Variants in DLG5 observed in about 807,000 individuals in gnomAD.
DLG5 encodes the protein disks large homolog 5.
A neutral mutation model predicts 189.8 loss-of-function variants in DLG5; 48 were observed. The observed-to-expected ratio is 0.25, with a 90% confidence interval of 0.20 to 0.32. DLG5 has a LOEUF of 0.32. Among genes scored for constraint, DLG5 ranks in the 10% least tolerant of loss-of-function variants. The probability of loss-of-function intolerance (pLI) is 1.00; values close to 1 mark genes in which losing one functional copy is unlikely to be tolerated. For missense variants in DLG5, 2,160 were observed against 2,544.7 expected, an observed-to-expected ratio of 0.85 and a Z score of 3.25; for synonymous variants, 1,016 against 1,054.1, an observed-to-expected ratio of 0.96 and a Z score of 0.70.
chr10:77,938,520 T>A, the DLG5 span, among the ~76,000 whole-genome samples: 3 of 152,214 alleles, frequency 2.0e-5, no homozygotes, highest in African/African-American at 7.2e-5. Flanking sequence ...GTATTTGTAA[T>A]TGTCCTCAGG....
intron 2 of DLG5, among the ~76,000 whole-genome samples, chr10:77,864,406 C>T (rs190292178): frequency 4.9e-4 from 75 of 152,264 alleles, no homozygotes; most frequent in African/African-American, 1.8e-3. Context: ...TCCTCACCTA[C>T]AACTCAGGAC....
intron 7 of DLG5, among the ~76,000 whole-genome samples, chr10:77,840,668 G>A (rs1234785823): frequency 5.3e-5 from 8 of 151,818 alleles, no homozygotes; most frequent in East Asian, 2.0e-4. Context: ...GCAGTGAGCC[G>A]AGATTGCGCC....
intron 7 of DLG5, among the ~76,000 whole-genome samples, chr10:77,837,021 C>G (rs1270750949): frequency 6.6e-6 from 1 of 151,806 alleles, no homozygotes; most frequent in African/African-American, 2.4e-5. Context: ...TTGAGACCAG[C>G]CTGACCAACA....
chr10:77,810,469 C>T (rs1174862284), intron 23 of DLG5, among the ~76,000 whole-genome samples: 1 of 152,206 alleles, frequency 6.6e-6, no homozygotes, highest in Non-Finnish European at 1.5e-5. Flanking sequence ...TCATGTCACA[C>T]CATGGCCTGG....
intron 2 of DLG5, chr10:77,867,192 C>T (rs932310796): frequency 4.9e-6 from 2 of 412,294 alleles, no homozygotes; most frequent in African/African-American, 4.1e-5. Context: ...GAAATATCTT[C>T]CTACTCAGGC....
chr10:77,878,182 C>T (rs1311773931), intron 1 of DLG5, among the ~76,000 whole-genome samples: 1 of 152,236 alleles, frequency 6.6e-6, no homozygotes, highest in Non-Finnish European at 1.5e-5. Flanking sequence ...GTACACTGCC[C>T]TCCACCCTCC....
intron 2 of DLG5, among the ~76,000 whole-genome samples, chr10:77,857,872 G>C (rs970475829): frequency 6.6e-6 from 1 of 152,142 alleles, no homozygotes; most frequent in African/African-American, 2.4e-5. Context: ...TCGTGTCAGG[G>C]GACACAGTGT....
At chr10:77,938,533 C>A in the DLG5 span, among the ~76,000 whole-genome samples, 1 of 152,182 alleles carries the variant, frequency 6.6e-6, no homozygotes, top group African/African-American at 2.4e-5. Context: ...TCCTCAGGAA[C>A]TCTCCATAAG....
At chr10:77,832,604 G>C (rs1044894529) in intron 9 of DLG5, among the ~76,000 whole-genome samples, 1 of 152,196 alleles carries the variant, frequency 6.6e-6, no homozygotes, top group African/African-American at 2.4e-5. Flanking sequence ...GAGTGCCTGA[G>C]GCTTCCCAGG....
chr10:77,872,557 G>GT (rs1844942484), intron 1 of DLG5, among the ~76,000 whole-genome samples: 1 of 152,120 alleles, frequency 6.6e-6, no homozygotes, highest in Non-Finnish European at 1.5e-5. Flanking sequence ...ACAGGACCCA[G>GT]TTTTTACAAT....
At position 77,926,333 on chromosome 10, in the gene DLG5, T is replaced by C; in HGVS notation, c.188A>G (p.Lys63Arg). The change falls in exon 1 of 32, where the codon AAG (lysine) becomes AGG (arginine). Residue 63 changes from lysine (K) to arginine (R), a missense_variant. Coordinates refer to ENST00000372391, the MANE Select transcript of DLG5 (RefSeq NM_004747.4). This position sits in a 1 kb window ranked among gnomAD's most constrained non-coding sequence, Gnocchi z 5.2. ...AELLLKLLLA[K>R]ERDHFQDLRA... Reference sequence around the variant, plus strand: ...CAGGTCCTGGAAGTGGTCCCGCTCCTTGGCCAAGAGCAGCTTGAGCAGCAG... The same window carrying C: ...CAGGTCCTGGAAGTGGTCCCGCTCCCTGGCCAAGAGCAGCTTGAGCAGCAG... 1 of 1,604,512 alleles carries C rather than the reference T, an allele frequency of 6.2e-7. No homozygotes were observed. The highest frequency in any genetic ancestry group is 8.5e-7 in the Non-Finnish European group (1 of 1,176,728).
At chr10:77,843,407 G>GGCTGGGTCCTAT (rs1446777263) in intron 6 of DLG5, 40 bp downstream of exon 6, 1 of 1,604,376 alleles carries the variant, frequency 6.2e-7, no homozygotes, top group Admixed American at 1.7e-5. Flanking sequence ...GAACCTTATA[G>GGCTGGGTCCTAT]GACCCATTTG....
At chr10:77,806,718 A>AGGGCCCCCCCC in intron 26 of DLG5, 40 bp downstream of exon 26, 203 of 1,333,522 alleles carry the variant, frequency 1.5e-4, no homozygotes, top group Non-Finnish European at 2.1e-4. Flanking sequence ...GCCCTCGGCG[A>AGGGCCCCCCCC]CCCCTGCCCC....
At chr10:77,929,423 T>C (rs1846766682), upstream of DLG5, 1 of 152,200 alleles carries the variant, frequency 6.6e-6, no homozygotes, top group African/African-American at 2.4e-5. Context: ...CACACCCTTG[T>C]AGTGGGTCGA....
At position 77,821,850 on chromosome 10, in the gene DLG5, C is replaced by T. The variant is rs770475131; in HGVS notation, c.2634G>A (p.Gln878=). ...CACTGGGACAGGCCTGGGGGCAGAC[C>T]TGCAAGGGTCCCCCAGGGAATGGCT... ...LHKPFPGGPL[Q]VCPQACPSAS... The change falls in exon 15 of 32, where the codon CAG becomes CAA. Residue 878 remains glutamine (Q), a synonymous_variant. Coordinates refer to ENST00000372391, the MANE Select transcript of DLG5 (RefSeq NM_004747.4). The T allele has an allele frequency of 1.2e-6, 2 of 1,613,996 alleles. No homozygotes were observed. The highest frequency in any genetic ancestry group is 1.1e-5 in the South Asian group (1 of 91,078).
chr10:77,793,155 T>C (rs1381323752), intron 31 of DLG5: 1 of 152,282 alleles, frequency 6.6e-6, no homozygotes, highest in African/African-American at 2.4e-5. Flanking sequence ...AAGAAAAAAA[T>C]AGAGCTTACC....
chr10:77,853,541 A>T lies in DLG5; in HGVS notation c.681-4T>A. On this transcript the variant is annotated splice_region_variant and splice_polypyrimidine_tract_variant and intron_variant, in intron 4 of 31. Transcript: ENST00000372391. ...CAGGAGCCGGCTGTGGAGTGTGCTG[A>T]AACACCCGGTACATGCTCAGTGAGC... The T allele has an allele frequency of 6.3e-7, 1 of 1,588,812 alleles. No homozygotes were observed. The highest frequency in any genetic ancestry group is 8.6e-7 in the Non-Finnish European group (1 of 1,166,398).
intron 1 of DLG5, among the ~76,000 whole-genome samples, chr10:77,870,802 G>C (rs1381705382): frequency 1.3e-5 from 2 of 152,172 alleles, no homozygotes; most frequent in South Asian, 2.1e-4. Flanking sequence ...GAGCGGGGCA[G>C]GGGAGGGAGA....
chr10:77,892,124 TGGGATGCCCCAGCTTCCC>T (rs34932886), intron 1 of DLG5, among the ~76,000 whole-genome samples: 12 of 152,166 alleles, frequency 7.9e-5, no homozygotes, highest in African/African-American at 2.4e-4. Context: ...CACAGCTTCC[TGGGATGCCCCAGCTTCCC>T]GGGATGCCCC....
Sources: gnomAD v4.1 joint callset for allele counts (sites outside exome capture counted in the v4.1 genomes callset) on GRCh38, gnomAD v4.1.1 for gene constraint, Gnocchi (gnomAD v3.1) non-coding constraint, MANE v1.5 for transcripts, NCBI Gene and HGNC (gene_info 2026-07-23, HGNC 2026-07-21) for gene names.